Variants in ABHD6 observed in about 807,000 individuals in gnomAD.
ABHD6 encodes monoacylglycerol lipase ABHD6.
In ABHD6, 33 loss-of-function variants were observed where a neutral mutation model predicts 38.8. That is an observed-to-expected ratio of 0.85 (90% CI 0.64 to 1.14). The LOEUF (loss-of-function observed/expected upper bound fraction) is 1.14. ABHD6 is among the 50% of genes most tolerant of loss of function. The pLI is 0.00. For synonymous variants in ABHD6, 147 were observed against 161.6 expected (o/e 0.91, Z 0.69); for missense variants, 380 against 422.6 (o/e 0.90, Z 0.88).
chr3:58,270,970 C>T lies in ABHD6; in HGVS notation c.429C>T (p.His143=). The T allele has an allele frequency of 6.2e-7, 1 of 1,611,758 alleles. No individual in the cohort carries two copies. The part of the protein sequence containing the change: ...ECLKLNKKPF[H]LVGTSMGGQV... ...TGAAGCTGAACAAAAAACCTTTCCA[C>T]CTGGTAGGCACCTCCATGGGTGGCC... Residue 143 remains histidine (H), a synonymous_variant, in exon 6 of 10, where the codon CAC becomes CAT. Coordinates refer to ENST00000478253, the MANE Select transcript of ABHD6 (RefSeq NM_001320126.2).
At chr3:58,286,846 G>GCATATATA (rs1304640108) in intron 9 of ABHD6, among the ~76,000 whole-genome samples, 8 of 90,224 alleles carry the variant, frequency 8.9e-5, no homozygotes, top group Admixed American at 1.2e-4. Context: ...GTGTGTGTGT[G>GCATATATA]TGTGTGTATA....
At chr3:58,274,888 A>G in intron 7 of ABHD6, 73 bp downstream of exon 7, 2 of 1,521,614 alleles carry the variant, frequency 1.3e-6, no homozygotes, top group South Asian at 2.4e-5. Context: ...TCCTGCACGT[A>G]TTCCCTCCTT....
chr3:58,289,985 C>T (rs1227812715), intron 9 of ABHD6, among the ~76,000 whole-genome samples: 1 of 140,712 alleles, frequency 7.1e-6, no homozygotes, highest in Non-Finnish European at 1.5e-5. Context: ...GCTGGCCGGG[C>T]GGGGGGCTGA....
Position 58,285,470 on chromosome 3 carries a change from C to G in ABHD6, c.837+17C>G. On this transcript the variant is annotated intron_variant, in intron 9 of 9. Transcript: ENST00000478253. The surrounding 1 kb of genome is among the most constrained non-coding windows in gnomAD (Gnocchi z 4.9). The stretch of plus-strand genomic sequence containing the variant: ...CAAGACCAGGTATGTAACACATCCC[C>G]GCGGCAGTCTGTGCTGGTCACCAGG... 6.2e-7 allele frequency: 1 copy of G among 1,602,054 alleles called. No individual in the cohort carries two copies. The highest frequency in any genetic ancestry group is 1.1e-5 in the South Asian group (1 of 90,796).
intron 7 of ABHD6, among the ~76,000 whole-genome samples, chr3:58,275,302 A>G (rs2097447943): frequency 6.6e-6 from 1 of 151,734 alleles, no homozygotes; most frequent in Non-Finnish European, 1.5e-5. Context: ...TCAATTGAAA[A>G]AAAAAAAATC....
intron 2 of ABHD6, among the ~76,000 whole-genome samples, chr3:58,252,732 T>A (rs2097430867): frequency 6.6e-6 from 1 of 152,238 alleles, no homozygotes; most frequent in Admixed American, 6.5e-5. Context: ...TTGGTTGATC[T>A]CTGATTTTTG....
At chr3:58,271,770 T>TTTTTTTTTTTTTTTTTTTTTG (rs2097445173) in intron 6 of ABHD6, among the ~76,000 whole-genome samples, 1 of 105,580 alleles carries the variant, frequency 9.5e-6, no homozygotes, top group African/African-American at 4.2e-5. Context: ...CTCTCTGTTT[T>TTTTTTTTTTTTTTTTTTTTTG]TTTTTTTTTT....
intron 2 of ABHD6, among the ~76,000 whole-genome samples, chr3:58,253,236 T>C (rs2097431207): frequency 6.6e-6 from 1 of 151,882 alleles, no homozygotes; most frequent in East Asian, 1.9e-4. Context: ...CTATGATATA[T>C]ATGGCTTTGG....
At chr3:58,281,752 A>T (rs2097453462) in intron 7 of ABHD6, among the ~76,000 whole-genome samples, 1 of 152,228 alleles carries the variant, frequency 6.6e-6, no homozygotes, top group Non-Finnish European at 1.5e-5. Flanking sequence ...TACTCTTAAA[A>T]ATTGTTGAGG....
chr3:58,271,932 T>C (rs1039934679), intron 6 of ABHD6, among the ~76,000 whole-genome samples: 1 of 151,936 alleles, frequency 6.6e-6, no homozygotes, highest in Non-Finnish European at 1.5e-5. Context: ...GCCCAGCTAA[T>C]TTTTTGCATT....
intron 9 of ABHD6, among the ~76,000 whole-genome samples, chr3:58,292,958 C>G (rs901799271): frequency 1.3e-5 from 2 of 152,134 alleles, no homozygotes; most frequent in Non-Finnish European, 2.9e-5. Flanking sequence ...ATTAGCCTTC[C>G]CCTCTTGCAT....
rs1416610114 is a variant in ABHD6, at chr3:58,273,972, C to T, written c.524-686C>T. ...GCTGGAAGTGAAAATTAGTTTTGCC[C>T]TCTTGCATACATAGCATCAGCTTCT... On this transcript the variant is annotated intron_variant, in intron 6 of 9. Coordinates refer to ENST00000478253, the MANE Select transcript of ABHD6 (RefSeq NM_001320126.2). This position sits in a 1 kb window ranked among gnomAD's most constrained non-coding sequence, Gnocchi z 4.8. 6.6e-6 allele frequency among the ~76,000 whole-genome samples: 1 copy of T among 152,156 alleles called. No homozygotes were observed. Among genetic ancestry groups the T allele is most frequent in the Non-Finnish European group, 1.5e-5 (1 of 68,036 alleles).
intron 1 of ABHD6, among the ~76,000 whole-genome samples, chr3:58,240,669 A>G (rs550859144): frequency 6.6e-6 from 1 of 151,642 alleles, no homozygotes; most frequent in South Asian, 2.1e-4. Flanking sequence ...GGCTCAAGCA[A>G]TCCTGCTACC....
chr3:58,279,325 T>C (rs1170722854), intron 7 of ABHD6, among the ~76,000 whole-genome samples: 1 of 152,240 alleles, frequency 6.6e-6, no homozygotes, highest in African/African-American at 2.4e-5. Flanking sequence ...TTAGCTCTTG[T>C]TGAATTGATC....
intron 5 of ABHD6, 29 bp from the exon 6 acceptor site, chr3:58,270,903 C>G (rs748674138): frequency 6.3e-7 from 1 of 1,583,270 alleles, no homozygotes; most frequent in South Asian, 1.2e-5. Context: ...AGCTGTATAA[C>G]CAAGCTGCTT....
At chr3:58,248,361 G>A (rs1345944481) in intron 1 of ABHD6, among the ~76,000 whole-genome samples, 4 of 152,086 alleles carry the variant, frequency 2.6e-5, no homozygotes, top group South Asian at 2.1e-4. Context: ...TTACGCAAAC[G>A]TTTTCACACA....
Position 58,285,550 on chromosome 3 carries a change from C to G in ABHD6, c.837+97C>G. On this transcript the variant is annotated intron_variant, in intron 9 of 9. Coordinates refer to ENST00000478253, the MANE Select transcript of ABHD6 (RefSeq NM_001320126.2). This position sits in a 1 kb window ranked among gnomAD's most constrained non-coding sequence, Gnocchi z 4.9. ...AACAAGTGGTTATTTATGGAGTGAG[C>G]TGATCGCTGCTGTCAGGAAGAGGGG... The G allele has an allele frequency of 9.6e-7, 1 of 1,038,626 alleles. No homozygotes were observed. The highest frequency in any genetic ancestry group is 1.5e-6 in the Non-Finnish European group (1 of 674,202). 64.3% of individuals were successfully genotyped at this position (1,038,626 alleles called of 1,614,324 possible). A position where few individuals can be genotyped will look rare whatever the true frequency, so the allele number is the denominator to read the frequency against.
intron 7 of ABHD6, among the ~76,000 whole-genome samples, chr3:58,281,065 G>C (rs1443823663): frequency 6.6e-6 from 1 of 152,214 alleles, no homozygotes; most frequent in Non-Finnish European, 1.5e-5. Flanking sequence ...GGACCCACTT[G>C]AGGAGGCAGT....
chr3:58,271,091 C>T (rs1339192083), intron 6 of ABHD6, 27 bp downstream of exon 6: 10 of 1,566,896 alleles, frequency 6.4e-6, no homozygotes, highest in African/African-American at 1.4e-5. Flanking sequence ...AAACATCCCT[C>T]GGCAGGGATG....
Sources: gnomAD v4.1 joint callset for allele counts (sites outside exome capture counted in the v4.1 genomes callset) on GRCh38, gnomAD v4.1.1 for gene constraint, Gnocchi (gnomAD v3.1) non-coding constraint, MANE v1.5 for transcripts, NCBI Gene and HGNC (gene_info 2026-07-23, HGNC 2026-07-21) for gene names.